Variants in ZFHX3 observed in about 807,000 individuals in gnomAD.
The protein encoded by ZFHX3 is zinc finger homeobox protein 3.
In ZFHX3, 42 loss-of-function variants were observed where a neutral mutation model predicts 279.1. That is an observed-to-expected ratio of 0.15 (90% CI 0.12 to 0.19). ZFHX3 has a LOEUF of 0.19. Ranked by LOEUF, ZFHX3 falls within the 10% of genes least tolerant of loss-of-function variation. The pLI, the probability that ZFHX3 is intolerant of heterozygous loss-of-function variation, is 1.00. For missense variants in ZFHX3, 4,981 were observed against 4,754.0 expected (o/e 1.05, Z -1.40); for synonymous variants, 2,293 against 1,957.8 (o/e 1.17, Z -4.52).
intron 7 of ZFHX3, among the ~76,000 whole-genome samples, chr16:73,124,843 A>G (rs1966543261): frequency 6.6e-6 from 1 of 152,158 alleles, no homozygotes; most frequent in Non-Finnish European, 1.5e-5. Flanking sequence ...CAGGACCCAT[A>G]ACCTTGTGTT....
chr16:73,792,587 G>A (rs1008790782), intron 1 of ZFHX3, among the ~76,000 whole-genome samples: 1 of 152,164 alleles, frequency 6.6e-6, no homozygotes, highest in Non-Finnish European at 1.5e-5. Flanking sequence ...CCTGTAAGTA[G>A]CTACCTAGGA....
intron 1 of ZFHX3, among the ~76,000 whole-genome samples, chr16:73,006,478 C>G (rs1963705560): frequency 1.3e-5 from 2 of 151,968 alleles, no homozygotes; most frequent in African/African-American, 4.8e-5. Flanking sequence ...AAAATTAAAG[C>G]CCAGCATGGT....
chr16:73,605,592 C>A (rs1281539042), intron 2 of ZFHX3, among the ~76,000 whole-genome samples: 1 of 150,482 alleles, frequency 6.6e-6, no homozygotes, highest in Non-Finnish European at 1.5e-5. Context: ...ATGCCAAACA[C>A]TAAGGAAAAA....
At chr16:73,772,230 C>A (rs1003634924) in intron 1 of ZFHX3, among the ~76,000 whole-genome samples, 13 of 152,142 alleles carry the variant, frequency 8.5e-5, no homozygotes, top group South Asian at 6.2e-4. Flanking sequence ...TGAGACTGGG[C>A]AATTTACAAA....
chr16:73,739,165 C>T (rs1316429031), intron 1 of ZFHX3, among the ~76,000 whole-genome samples: 2 of 152,208 alleles, frequency 1.3e-5, no homozygotes, highest in Non-Finnish European at 2.9e-5. Context: ...GCACTTGCTC[C>T]CTTCCAAACA....
intron 7 of ZFHX3, among the ~76,000 whole-genome samples, chr16:73,112,965 C>T (rs533420233): frequency 3.3e-5 from 5 of 152,110 alleles, no homozygotes; most frequent in East Asian, 1.9e-4. Context: ...AGCAGCCCTG[C>T]GCCTTGGTTC....
At chr16:73,597,851 A>C (rs1208141936) in intron 2 of ZFHX3, among the ~76,000 whole-genome samples, 1 of 152,250 alleles carries the variant, frequency 6.6e-6, no homozygotes, top group African/African-American at 2.4e-5. Context: ...AAACCTGGGA[A>C]GCTAACACTG....
chr16:73,376,674 C>T (rs1413220048), intron 3 of ZFHX3, among the ~76,000 whole-genome samples: 1 of 152,080 alleles, frequency 6.6e-6, no homozygotes, highest in Non-Finnish European at 1.5e-5. Context: ...TTTACACTTT[C>T]CAGGAGGCGT....
chr16:73,059,383 C>CAG (rs1965647439), exon 1 of ZFHX3: 1 of 151,140 alleles, frequency 6.6e-6, no homozygotes, highest in African/African-American at 2.4e-5. Flanking sequence ...CACACACACA[C>CAG]ACACACACAC....
rs182803257 is a variant in ZFHX3 at position 72,811,801 on chromosome 16, T to C, written c.3664-24A>G. On this transcript the variant is annotated intron_variant, in intron 6 of 9. Transcript: ENST00000268489. Reference sequence around the variant, plus strand: ...ATCTGTGGGGAACACACCCACTGCTTTGAGCAACTGTGTGTGCCCCAAGCC... The same window carrying C: ...ATCTGTGGGGAACACACCCACTGCTCTGAGCAACTGTGTGTGCCCCAAGCC... 6.2e-6 allele frequency: 10 copies of C among 1,608,018 alleles called. No homozygotes were observed. In the Admixed American group the frequency reaches 6.7e-5, roughly 11 times the overall value.
At chr16:72,866,744 TC>T (rs34053135) in intron 4 of ZFHX3, among the ~76,000 whole-genome samples, 4,559 of 152,260 alleles carry the variant, frequency 0.03, 125 homozygotes, top group East Asian at 0.075. Context: ...CCTTTCACTA[TC>T]CCAGAGGTTC....
intron 4 of ZFHX3, among the ~76,000 whole-genome samples, chr16:72,842,006 A>G (rs2037356065): frequency 6.6e-6 from 1 of 152,224 alleles, no homozygotes; most frequent in Non-Finnish European, 1.5e-5. Context: ...GGTGCAGTTT[A>G]GTGACAAAGA....
chr16:73,586,416 ACAAACAAAC>A (rs2051927105), intron 2 of ZFHX3, among the ~76,000 whole-genome samples: 1 of 151,132 alleles, frequency 6.6e-6, no homozygotes, highest in African/African-American at 2.4e-5. Flanking sequence ...AAACAAACAA[ACAAACAAAC>A]AAAAAAACAT....
intron 2 of ZFHX3, among the ~76,000 whole-genome samples, chr16:73,644,682 AAAC>A (rs2052602677): frequency 3.2e-5 from 3 of 94,100 alleles, no homozygotes; most frequent in South Asian, 4.0e-4. Context: ...AAACAAAACT[AAAC>A]AAAAAAACCT....
At chr16:73,173,834 C>A (rs1967596606) in intron 5 of ZFHX3, among the ~76,000 whole-genome samples, 1 of 152,136 alleles carries the variant, frequency 6.6e-6, no homozygotes, top group African/African-American at 2.4e-5. Context: ...CAGTTGCAAG[C>A]CTGTATGGCA....
Position 72,794,776 on chromosome 16 carries a change from C to A in ZFHX3, c.7906G>T (p.Glu2636Ter). 6.2e-7 allele frequency: 1 copy of A among 1,614,064 alleles called. No homozygotes were observed. The highest frequency in any genetic ancestry group is 2.2e-5 in the East Asian group (1 of 44,896). ...AAACGCTTGTCTCTCTGAGGCTCTT[C>A]TCCTCCTGTCCCACTGTCGTTTTCG... The part of the protein sequence containing the change: ...PGENDSGTGG[E>*]EPQRDKRLRT... The change falls in exon 9 of 10, where the codon GAA (glutamate) becomes TAA (stop). Residue 2636 changes from glutamate to a stop codon, truncating the protein, a stop_gained. Transcript: ENST00000268489. LOFTEE classifies it high-confidence loss of function. This position sits in a 1 kb window ranked among gnomAD's most constrained non-coding sequence, Gnocchi z 4.2.
At chr16:73,116,828 C>T (rs1309519582) in intron 7 of ZFHX3, among the ~76,000 whole-genome samples, 2 of 152,140 alleles carry the variant, frequency 1.3e-5, no homozygotes, top group African/African-American at 4.8e-5. Flanking sequence ...AGTTTATTCA[C>T]GCAGGAATGG....
At chr16:73,887,593 T>A (rs2030389110) in intron 1 of ZFHX3, among the ~76,000 whole-genome samples, 1 of 152,082 alleles carries the variant, frequency 6.6e-6, no homozygotes, top group South Asian at 2.1e-4. Context: ...TCAGATGGAA[T>A]GAAGTGAATG....
chr16:73,220,861 T>C (rs1597227205), intron 5 of ZFHX3, among the ~76,000 whole-genome samples: 1 of 152,166 alleles, frequency 6.6e-6, no homozygotes, highest in Non-Finnish European at 1.5e-5. Context: ...TATAGGATAG[T>C]GAAGTCCCTG....
Sources: gnomAD v4.1 joint callset for allele counts (sites outside exome capture counted in the v4.1 genomes callset) on GRCh38, gnomAD v4.1.1 for gene constraint, Gnocchi (gnomAD v3.1) non-coding constraint, MANE v1.5 for transcripts, NCBI Gene and HGNC (gene_info 2026-07-23, HGNC 2026-07-21) for gene names.